Variants in MAGI2 observed in about 807,000 individuals in gnomAD.
MAGI2 encodes the protein membrane associated guanylate kinase, WW and PDZ domain containing 2.
A neutral mutation model predicts 133.3 loss-of-function variants in MAGI2; 35 were observed. That is an observed-to-expected ratio of 0.26 (90% CI 0.20 to 0.35). The LOEUF is 0.35. MAGI2 is among the 10% of genes least tolerant of loss of function. The probability of loss-of-function intolerance (pLI) is 1.00; values close to 1 mark genes in which losing one functional copy is unlikely to be tolerated. For synonymous variants in MAGI2, 729 were observed against 710.6 expected, an observed-to-expected ratio of 1.03 and a Z score of -0.41; for missense variants, 1,636 against 1,863.4, an observed-to-expected ratio of 0.88 and a Z score of 2.25.
intron 3 of MAGI2, among the ~76,000 whole-genome samples, chr7:78,605,117 G>A (rs552504555): frequency 9.0e-4 from 137 of 152,344 alleles, no homozygotes; most frequent in Non-Finnish European, 1.5e-3. Context: ...TAGATGCAAT[G>A]TGAAAACTGG....
chr7:78,020,714 G>C (rs1205106013), intron 21 of MAGI2, among the ~76,000 whole-genome samples: 1 of 152,136 alleles, frequency 6.6e-6, no homozygotes, highest in Non-Finnish European at 1.5e-5. Flanking sequence ...TGGGTTCTCT[G>C]GAAGTTGGGA....
At chr7:78,179,681 ACTC>A (rs1341242714) in intron 13 of MAGI2, among the ~76,000 whole-genome samples, 1 of 152,190 alleles carries the variant, frequency 6.6e-6, no homozygotes, top group African/African-American at 2.4e-5. Flanking sequence ...ATAATATTAA[ACTC>A]TGCAAGAAGA....
chr7:79,158,488 T>G (rs1824039807), intron 1 of MAGI2, among the ~76,000 whole-genome samples: 1 of 152,092 alleles, frequency 6.6e-6, no homozygotes, highest in African/African-American at 2.4e-5. Flanking sequence ...GTTTGCATTT[T>G]TTTGCATTTA....
rs549663544 is a variant in MAGI2 at position 78,266,337 on chromosome 7, G to A, written c.1409-9756C>T. On this transcript the variant is annotated intron_variant, in intron 9 of 21. Coordinates refer to ENST00000354212, the MANE Select transcript of MAGI2 (RefSeq NM_012301.4). ...CACCTCAGCTCCCCGAGGAGCTGGG[G>A]CTACAGGCTCATGCCACCATGTCTG... Among the ~76,000 whole-genome samples the A allele has an allele frequency of 3.3e-5, 5 of 151,972 alleles. No homozygotes were observed. The South Asian group carries it at 1.0e-3, about 32-fold the overall frequency.
chr7:79,412,106 C>G (rs1048076054), intron 1 of MAGI2: 3 of 151,940 alleles, frequency 2.0e-5, no homozygotes, highest in African/African-American at 7.3e-5. Context: ...ATCTACACAC[C>G]TGGCAAACAC....
chr7:78,553,669 A>G (rs1799551210), intron 3 of MAGI2, among the ~76,000 whole-genome samples: 1 of 152,216 alleles, frequency 6.6e-6, no homozygotes, highest in South Asian at 2.1e-4. Context: ...AGATACATCC[A>G]TTAATATGCT....
chr7:79,218,893 T>C (rs1473807214), intron 1 of MAGI2, among the ~76,000 whole-genome samples: 1 of 152,098 alleles, frequency 6.6e-6, no homozygotes, highest in African/African-American at 2.4e-5. Context: ...ATGTAATGTG[T>C]AAAAGTTACA....
chr7:79,085,092 G>A lies in MAGI2; in HGVS notation c.302-77886C>T, dbSNP rs184833434. On this transcript the variant is annotated intron_variant, in intron 1 of 21. Coordinates refer to ENST00000354212, the MANE Select transcript of MAGI2 (RefSeq NM_012301.4). ...GTTCTTTTCTCCTTTCTCTCTTTTT[G>A]AATTTTCATTGTGAGTACATTGCTA... is the stretch of plus-strand genomic sequence containing the variant. Among the ~76,000 whole-genome samples, 185 of 151,398 alleles carry A rather than the reference G, an allele frequency of 1.2e-3. 2 individuals are homozygous for A. The East Asian group carries it at 0.024, about 20-fold the overall frequency.
chr7:78,435,074 A>C (rs192681414), intron 6 of MAGI2, among the ~76,000 whole-genome samples: 23 of 152,228 alleles, frequency 1.5e-4, no homozygotes, highest in Admixed American at 2.0e-4. Flanking sequence ...CCACTTTGCC[A>C]CCTGTGTCAT....
chr7:78,642,548 T>C (rs1337926799), intron 2 of MAGI2, among the ~76,000 whole-genome samples: 1 of 152,198 alleles, frequency 6.6e-6, no homozygotes, highest in African/African-American at 2.4e-5. Flanking sequence ...TTATCATTTG[T>C]CCAAATATAT....
At position 78,495,795 on chromosome 7, in the gene MAGI2, A is replaced by G. The variant is rs1794036072; in HGVS notation, c.965+5782T>C. Among the ~76,000 whole-genome samples the G allele has an allele frequency of 2.0e-5, 3 of 152,066 alleles. No individual in the cohort carries two copies. The South Asian group carries it at 6.2e-4, about 31-fold the overall frequency. Reference sequence around the variant, plus strand: ...AGTTTCATTACAAATATTGTTTTGGATATTGTGGATGTGTATTGCACACTG... The same window carrying G: ...AGTTTCATTACAAATATTGTTTTGGGTATTGTGGATGTGTATTGCACACTG... On this transcript the variant is annotated intron_variant, in intron 5 of 21. Coordinates refer to ENST00000354212, the MANE Select transcript of MAGI2 (RefSeq NM_012301.4).
chr7:78,978,936 T>C (rs531456877), intron 2 of MAGI2, among the ~76,000 whole-genome samples: 312 of 151,890 alleles, frequency 2.1e-3, no homozygotes, highest in Middle Eastern at 0.01. Context: ...AATAAATGAA[T>C]GGTGGATGGT....
intron 3 of MAGI2, among the ~76,000 whole-genome samples, chr7:78,530,364 C>T (rs1342502311): frequency 1.3e-5 from 2 of 152,160 alleles, no homozygotes; most frequent in African/African-American, 4.8e-5. Flanking sequence ...ATTTTTATCA[C>T]TTTATCTTGT....
intron 2 of MAGI2, among the ~76,000 whole-genome samples, chr7:78,704,207 T>C (rs1818368210): frequency 6.6e-6 from 1 of 151,938 alleles, no homozygotes; most frequent in Non-Finnish European, 1.5e-5. Context: ...ATAAGGAACT[T>C]AAACAAATTA....
chr7:79,189,312 C>CCAAA, intron 1 of MAGI2, among the ~76,000 whole-genome samples: 1 of 74,292 alleles, frequency 1.3e-5, no homozygotes, highest in South Asian at 5.4e-4. Context: ...TTTTTATAGG[C>CCAAA]AAAAAAAAAA....
chr7:78,110,594 G>T (rs1819259288), intron 20 of MAGI2, among the ~76,000 whole-genome samples: 1 of 152,160 alleles, frequency 6.6e-6, no homozygotes, highest in South Asian at 2.1e-4. Flanking sequence ...ACCCAGCAGG[G>T]GTGATCCCCA....
chr7:78,735,893 T>C (rs576890125), intron 2 of MAGI2, among the ~76,000 whole-genome samples: 55 of 152,144 alleles, frequency 3.6e-4, no homozygotes, highest in Non-Finnish European at 5.7e-4. Flanking sequence ...CAACCAACAA[T>C]TTGTACAAGA....
chr7:78,110,042 C>CG (rs1257171601), intron 20 of MAGI2, among the ~76,000 whole-genome samples: 1 of 152,168 alleles, frequency 6.6e-6, no homozygotes, highest in Admixed American at 6.5e-5. Context: ...AGCACTGACT[C>CG]GGGAGCTTGC....
At chr7:78,859,800 G>T (rs958178475) in intron 2 of MAGI2, among the ~76,000 whole-genome samples, 1 of 152,094 alleles carries the variant, frequency 6.6e-6, no homozygotes, top group African/African-American at 2.4e-5. Flanking sequence ...CACTAGGTTG[G>T]GGTAGTTCTC....
Sources: allele counts gnomAD v4.1 joint callset (sites outside exome capture counted in the v4.1 genomes callset), GRCh38; gene constraint gnomAD v4.1.1; transcripts MANE v1.5; gene names NCBI Gene and HGNC (gene_info 2026-07-23, HGNC 2026-07-21).